SLC25A45: variants seen among roughly 807,000 people sequenced by gnomAD.
SLC25A45 encodes the protein solute carrier family 25 member 45, also known as methylated amino-acid transporter SLC25A45.
A neutral mutation model predicts 23.0 loss-of-function variants in SLC25A45; 22 were observed. The ratio of observed to expected loss-of-function variants is 0.95; its 90% CI spans 0.68 to 1.36. SLC25A45 has a LOEUF of 1.36. Among genes scored for constraint, SLC25A45 ranks in the 40% most tolerant of loss-of-function variants. The pLI, the probability that SLC25A45 is intolerant of heterozygous loss-of-function variation, is 0.00. For synonymous variants in SLC25A45, 136 were observed against 155.0 expected (o/e 0.88, Z 0.91); for missense variants, 355 against 383.5 (o/e 0.93, Z 0.62).
rs35193480 is a variant in SLC25A45, at chr11:65,376,069, CAAAAAAAA to C, written c.*330_*337del. 10 of 107,312 alleles carry C rather than the reference CAAAAAAAA, an allele frequency of 9.3e-5. No homozygotes were observed. The highest frequency in any genetic ancestry group is 1.4e-4 in the Non-Finnish European group (8 of 56,312). 6.6% of individuals were successfully genotyped at this position (107,312 alleles called of 1,614,324 possible). On this transcript the variant is annotated 3_prime_UTR_variant, in exon 7 of 7. Coordinates refer to ENST00000398802, the MANE Select transcript of SLC25A45 (RefSeq NM_182556.4). Reference sequence around the variant, plus strand: ...TGGGTGACAGAGAAAGACTCCATCTCAAAAAAAAAAAAAAAAAAAAAAAGAGGTGAAGG... The same window carrying C: ...TGGGTGACAGAGAAAGACTCCATCTCAAAAAAAAAAAAAAAGAGGTGAAGG...
chr11:65,381,863 G>T, intron 2 of SLC25A45, 52 bp downstream of exon 2: 1 of 1,612,002 alleles, frequency 6.2e-7, no homozygotes, highest in Non-Finnish European at 8.5e-7. Context: ...TCTTCCCGAG[G>T]AAGTGACCTA....
In SLC25A45 at chr11:65,380,758, G is replaced by A; in HGVS notation, c.38-583C>T. 1.3e-5 allele frequency: 5 copies of A among 395,828 alleles called. 1 individual carries two copies. Among genetic ancestry groups the A allele is most frequent in the South Asian group, 1.0e-4 (5 of 49,296 alleles). 24.5% of individuals were successfully genotyped at this position (395,828 alleles called of 1,614,324 possible). On this transcript the variant is annotated intron_variant, in intron 2 of 6. Transcript: ENST00000398802. ...AGTTTGGGGGAGGTCGCACCCCCAG[G>A]AGGCAGGTTCAGAACGTCCCTCTCT...
intron 2 of SLC25A45, chr11:65,380,755 C>A: frequency 5.0e-6 from 2 of 398,004 alleles, no homozygotes; most frequent in Non-Finnish European, 9.1e-6. Flanking sequence ...GTCGCACCCC[C>A]AGGAGGCAGG....
chr11:65,380,161 C>A lies in SLC25A45; in HGVS notation c.52G>T (p.Val18Phe), dbSNP rs181818689. The A allele has an allele frequency of 6.2e-7, 1 of 1,614,188 alleles. No homozygotes were observed. The highest frequency in any genetic ancestry group is 1.7e-5 in the Admixed American group (1 of 60,020). Reference protein sequence around the residue: ...AGWISGALGLVLGHPFDTVKV... With the variant: ...AGWISGALGLFLGHPFDTVKV... The stretch of plus-strand genomic sequence containing the variant: ...ACAGTGTCAAACGGGTGTCCCAGGA[C>A]CAAGCCCAGAGCGCCTGTGGTGACA... The change falls in exon 3 of 7, where the codon GTC becomes TTC. Residue 18 changes from valine (V) to phenylalanine (F), a missense_variant. Transcript: ENST00000398802.
intron 5 of SLC25A45, chr11:65,377,501 G>A: frequency 3.6e-6 from 3 of 823,000 alleles, no homozygotes; most frequent in Non-Finnish European, 4.4e-6. Context: ...TTCCCAGGGT[G>A]AAGGAGGTCC....
intron 4 of SLC25A45, 83 bp from the exon 5 acceptor site, chr11:65,379,644 G>T: frequency 7.1e-7 from 1 of 1,412,964 alleles, no homozygotes; most frequent in Non-Finnish European, 9.6e-7. Context: ...GCAGCCTCTG[G>T]CTGGAAACTG....
In SLC25A45 at chr11:65,382,097, G is replaced by A. The variant is rs753524301; in HGVS notation, c.-18-128C>T. The A allele has an allele frequency of 8.3e-6, 6 of 726,024 alleles. No homozygotes were observed. Among genetic ancestry groups the A allele is most frequent in the East Asian group, 2.7e-5 (1 of 37,534 alleles). 45.0% of individuals were successfully genotyped at this position (726,024 alleles called of 1,614,324 possible). Reference sequence around the variant, plus strand: ...GAATTGGCCTGGTGCCCAGACCTCCGGCAACTGGCAGAGGAGAGCGAGCCA... The same window carrying A: ...GAATTGGCCTGGTGCCCAGACCTCCAGCAACTGGCAGAGGAGAGCGAGCCA... On this transcript the variant is annotated intron_variant, in intron 1 of 6. Coordinates refer to ENST00000398802, the MANE Select transcript of SLC25A45 (RefSeq NM_182556.4). The surrounding 1 kb of genome is among the most constrained non-coding windows in gnomAD (Gnocchi z 4.4).
intron 5 of SLC25A45, chr11:65,378,230 A>G (rs1163115621): frequency 6.6e-6 from 1 of 152,168 alleles, no homozygotes; most frequent in African/African-American, 2.4e-5. Flanking sequence ...GGAGTGTCAG[A>G]TGCCATTTCA....
chr11:65,381,748 G>T, intron 2 of SLC25A45, 167 bp downstream of exon 2: 1 of 767,502 alleles, frequency 1.3e-6, no homozygotes, highest in East Asian at 2.5e-5. Context: ...GTAGAGACAG[G>T]GGCCTCCCTA....
intron 2 of SLC25A45, chr11:65,381,589 G>T (rs1855562086): frequency 7.6e-6 from 1 of 131,480 alleles, no homozygotes; most frequent in East Asian, 1.9e-4. Context: ...TTTTTTTGTG[G>T]CAGGGTCTCA....
At position 65,376,614 on chromosome 11, in the gene SLC25A45, C is replaced by T. The variant is rs775585868; in HGVS notation, c.660G>A (p.Thr220=). 7 of 1,614,046 alleles carry T rather than the reference C, an allele frequency of 4.3e-6. No individual in the cohort carries two copies. Among genetic ancestry groups the T allele is most frequent in the South Asian group, 3.3e-5 (3 of 91,078 alleles). The part of the protein sequence containing the change: ...FAGIASWVAA[T]PLDMIKSRMQ... Reference sequence around the variant, plus strand: ...TCCGGGACTTGATCATGTCTAAGGGCGTGGCTGCCACCCAGGAAGCAATGC... The same window carrying T: ...TCCGGGACTTGATCATGTCTAAGGGTGTGGCTGCCACCCAGGAAGCAATGC... Residue 220 remains threonine, a synonymous_variant, in exon 7 of 7, where the codon ACG becomes ACA. Coordinates refer to ENST00000398802, the MANE Select transcript of SLC25A45 (RefSeq NM_182556.4).
upstream of SLC25A45, chr11:65,383,401 G>A (rs903696224): frequency 2.0e-5 from 3 of 152,422 alleles, no homozygotes; most frequent in Non-Finnish European, 1.5e-5. Context: ...CTGGCCTCTC[G>A]TGGTGGCTTG....
At chr11:65,380,635 G>A in intron 2 of SLC25A45, 2 of 1,288,754 alleles carry the variant, frequency 1.6e-6, no homozygotes, top group Non-Finnish European at 2.0e-6. Context: ...GCAGGGCCCT[G>A]ATGGGGGTCA....
chr11:65,382,310 T>TGGG lies in SLC25A45; in HGVS notation c.-19+175_-19+176insCCC. ...CCTTAGTCAGCAAGAGGCAAGCCCC[T>TGGG]GCCTGCCCAGCCAGCCCAGCTCCAC... On this transcript the variant is annotated intron_variant, in intron 1 of 6. Coordinates refer to ENST00000398802, the MANE Select transcript of SLC25A45 (RefSeq NM_182556.4). The surrounding 1 kb of genome is among the most constrained non-coding windows in gnomAD (Gnocchi z 4.4). 1 of 314,042 alleles carries TGGG rather than the reference T, an allele frequency of 3.2e-6. No individual in the cohort carries two copies. Among genetic ancestry groups the TGGG allele is most frequent in the South Asian group, 3.8e-5 (1 of 26,224 alleles). The allele number at this position is 314,042 out of a possible 1,614,324, so 19.5% of individuals were successfully genotyped here.
At chr11:65,380,572 T>C (rs1431615127) in intron 2 of SLC25A45, 1 of 1,304,256 alleles carries the variant, frequency 7.7e-7, no homozygotes, top group Admixed American at 2.3e-5. Flanking sequence ...CAACTCATAA[T>C]GTCGTCGCCG....
rs776192965 is a variant in SLC25A45, at chr11:65,381,944, A to G, written c.8T>C (p.Val3Ala). Residue 3 changes from valine (V) to alanine (A), a missense_variant, in exon 2 of 7, where the codon GTG becomes GCG. Physicochemically the swap from Val to Ala is moderately conservative, Grantham distance 64 (BLOSUM62 0). Transcript: ENST00000398802. Reference sequence around the variant, plus strand: ...GATCCAGCCAGCCACAAATTCCTCCACCGGCATTGTCTGGGCTTGCGGGAA... The same window carrying G: ...GATCCAGCCAGCCACAAATTCCTCCGCCGGCATTGTCTGGGCTTGCGGGAA... MP[V>A]EEFVAGWISG... The G allele has an allele frequency of 3.7e-5, 60 of 1,613,758 alleles. No individual in the cohort carries two copies. In the East Asian group the frequency reaches 1.3e-3, roughly 34 times the overall value.
At position 65,376,125 on chromosome 11, in the gene SLC25A45, C is replaced by T. The variant is rs1482184268; in HGVS notation, c.*282G>A. On this transcript the variant is annotated 3_prime_UTR_variant, in exon 7 of 7. Coordinates refer to ENST00000398802, the MANE Select transcript of SLC25A45 (RefSeq NM_182556.4). ...AGGCACAGGACAGGAGCTGGGATGTCACCAGCACCACTTGCCAGCTCACTT... is the reference window on the plus strand; with the variant it reads ...AGGCACAGGACAGGAGCTGGGATGTTACCAGCACCACTTGCCAGCTCACTT... The T allele has an allele frequency of 3.9e-6, 2 of 510,688 alleles. No individual in the cohort carries two copies. Among genetic ancestry groups the T allele is most frequent in the East Asian group, 6.7e-5 (2 of 29,928 alleles). 31.6% of individuals were successfully genotyped at this position (510,688 alleles called of 1,614,324 possible).
chr11:65,380,588 C>T (rs1215312705), intron 2 of SLC25A45: 1 of 1,296,470 alleles, frequency 7.7e-7, no homozygotes, highest in South Asian at 1.2e-5. Flanking sequence ...CGCCGGGATC[C>T]AGAGCAGGCC....
chr11:65,380,651 G>C, intron 2 of SLC25A45: 1 of 1,271,386 alleles, frequency 7.9e-7, no homozygotes, highest in South Asian at 1.2e-5. Context: ...GGTCATGCCT[G>C]GGCACCTGCA....
Sources: gnomAD v4.1 joint callset for allele counts on GRCh38, gnomAD v4.1.1 for gene constraint, Gnocchi (gnomAD v3.1) non-coding constraint, MANE v1.5 for transcripts, NCBI Gene and HGNC (gene_info 2026-07-23, HGNC 2026-07-21) for gene names.